The following NPAT variants were observed in gnomAD, a reference collection of about 807,000 sequenced individuals.
NPAT encodes the protein nuclear protein, coactivator of histone transcription, also known as protein NPAT.
NPAT carries 52 observed loss-of-function variants against 130.7 expected under a neutral mutation model. That is an observed-to-expected ratio of 0.40 (90% CI 0.32 to 0.50). The LOEUF is 0.50. Ranked by LOEUF, NPAT falls within the 20% of genes least tolerant of loss-of-function variation. The probability of loss-of-function intolerance (pLI) is 0.68; values close to 1 mark genes in which losing one functional copy is unlikely to be tolerated. For missense variants in NPAT, 1,687 were observed against 1,662.6 expected (o/e 1.01, Z -0.26); for synonymous variants, 580 against 584.8 (o/e 0.99, Z 0.12).
chr11:108,220,864 A>G (rs2078480508), intron 1 of NPAT, among the ~76,000 whole-genome samples: 3 of 152,218 alleles, frequency 2.0e-5, no homozygotes, highest in Admixed American at 2.0e-4. Flanking sequence ...TGCGAGGACA[A>G]CTGTCTGGGA....
chr11:108,213,781 T>C (rs1478790208), intron 1 of NPAT, among the ~76,000 whole-genome samples: 2 of 152,214 alleles, frequency 1.3e-5, no homozygotes, highest in African/African-American at 2.4e-5. Flanking sequence ...ATCCAGACGA[T>C]GTACGGGCAT....
In NPAT at chr11:108,173,848, C is replaced by T; in HGVS notation, c.1136G>A (p.Gly379Asp). ...ACAAAAAGCGGGCTGACCAGACTGA[C>T]CATCTGCAAAGTATCAGGCAGGTAG... ...KGSFETEESD[G>D]QSGQPAFCTS... Residue 379 changes from glycine (G) to aspartate (D), a missense_variant, in exon 13 of 18, where the codon GGT (glycine) becomes GAT (aspartate). This residue lies in a region of NPAT where 1,379 missense variants were observed against 1,346.6 expected (regional missense o/e 1.02). Coordinates refer to ENST00000278612, the MANE Select transcript of NPAT (RefSeq NM_002519.3). The T allele has an allele frequency of 1.2e-6, 2 of 1,613,816 alleles. No individual in the cohort carries two copies. The highest frequency in any genetic ancestry group is 1.1e-5 in the South Asian group (1 of 91,070).
intron 15 of NPAT, among the ~76,000 whole-genome samples, chr11:108,165,326 G>A (rs2077890917): frequency 6.6e-6 from 1 of 151,556 alleles, no homozygotes; most frequent in African/African-American, 2.4e-5. Context: ...TGCCCAGGCT[G>A]GTCTCAAACT....
At chr11:108,169,631 T>A (rs564556327) in intron 15 of NPAT, 113 bp downstream of exon 15, 1 of 792,746 alleles carries the variant, frequency 1.3e-6, no homozygotes, top group African/African-American at 1.7e-5. Context: ...AAATGTAGGG[T>A]GATCACTTGT....
At chr11:108,180,009 A>G (rs899461752) in intron 10 of NPAT, among the ~76,000 whole-genome samples, 1 of 152,100 alleles carries the variant, frequency 6.6e-6, no homozygotes, top group Admixed American at 6.6e-5. Flanking sequence ...ATTCTATCTG[A>G]TAAGGGGTTA....
chr11:108,213,320 C>T (rs190790457), intron 1 of NPAT, among the ~76,000 whole-genome samples: 3 of 152,210 alleles, frequency 2.0e-5, no homozygotes, highest in Non-Finnish European at 2.9e-5. Flanking sequence ...TAATAAATGA[C>T]TTCGACAAGG....
intron 12 of NPAT, among the ~76,000 whole-genome samples, chr11:108,175,945 C>A (rs1278353870): frequency 6.6e-6 from 1 of 152,128 alleles, no homozygotes; most frequent in African/African-American, 2.4e-5. Flanking sequence ...TCGTTTGAGG[C>A]TGCATGCAGT....
At chr11:108,168,878 G>A (rs566973209) in intron 15 of NPAT, among the ~76,000 whole-genome samples, 3 of 152,280 alleles carry the variant, frequency 2.0e-5, no homozygotes, top group African/African-American at 4.8e-5. Flanking sequence ...TAAGAGATGA[G>A]ATGGAGAGGT....
chr11:108,161,659 C>G lies in NPAT; in HGVS notation c.3427G>C (p.Glu1143Gln), dbSNP rs2077851485. ...GAAACTTTCTTTTCTGATTGAGTTT[C>G]TCTTATGGTGGTATGCCGGCTAATG... ...SAISRHTTIR[E>Q]TQSEKKVSPT... is the part of the protein sequence containing the mutation. The change falls in exon 17 of 18, where the codon GAA becomes CAA. Residue 1143 changes from glutamate to glutamine, a missense_variant. Transcript: ENST00000278612. The G allele has an allele frequency of 1.2e-6, 2 of 1,613,986 alleles. No homozygotes were observed. The highest frequency in any genetic ancestry group is 1.7e-6 in the Non-Finnish European group (2 of 1,180,020).
rs763893971 is a variant in NPAT, at chr11:108,158,963, T to C, written c.4263A>G (p.Leu1421=). The C allele has an allele frequency of 1.2e-6, 2 of 1,605,600 alleles. No homozygotes were observed. Among genetic ancestry groups the C allele is most frequent in the Middle Eastern group, 1.7e-4 (1 of 6,046 alleles). The change falls in exon 18 of 18, where the codon TTA becomes TTG. Residue 1421 remains leucine (L), a synonymous_variant. Transcript: ENST00000278612. ...PAGMDVDKFL[L]SLHYDE is the part of the protein sequence containing the mutation. ...ATGTTTACTCATCATAATGCAATGA[T>C]AACAAAAATTTGTCTACATCCATTC...
At position 108,173,826 on chromosome 11, in the gene NPAT, A is replaced by G. The variant is rs760587072; in HGVS notation, c.1158T>C (p.Phe386=). 3 of 1,614,184 alleles carry G rather than the reference A, an allele frequency of 1.9e-6. No homozygotes were observed. Among genetic ancestry groups the G allele is most frequent in the South Asian group, 1.1e-5 (1 of 91,088 alleles). Residue 386 remains phenylalanine, a synonymous_variant, in exon 13 of 18, where the codon TTT becomes TTC. Transcript: ENST00000278612. ...ESDGQSGQPA[F]CTSYQNDDPL... ...GGTCATCATTCTGATAGGATGTACA[A>G]AAAGCGGGCTGACCAGACTGACCAT... is the stretch of plus-strand genomic sequence containing the variant.
intron 1 of NPAT, among the ~76,000 whole-genome samples, chr11:108,209,551 CA>C (rs1302173908): frequency 6.6e-6 from 1 of 152,046 alleles, no homozygotes; most frequent in Non-Finnish European, 1.5e-5. Flanking sequence ...GATCTTGTCT[CA>C]AAACAAACAA....
chr11:108,205,059 A>T (rs2078312664), intron 1 of NPAT, among the ~76,000 whole-genome samples: 1 of 152,326 alleles, frequency 6.6e-6, no homozygotes, highest in South Asian at 2.1e-4. Context: ...GACAGACCAT[A>T]ATCAAACTGA....
At chr11:108,192,887 G>C (rs765535666) in intron 3 of NPAT, among the ~76,000 whole-genome samples, 9 of 152,128 alleles carry the variant, frequency 5.9e-5, no homozygotes, top group Non-Finnish European at 1.2e-4. Flanking sequence ...CCGGGAGACG[G>C]AGGTTGCGGT....
chr11:108,185,701 T>C (rs1240744290), intron 8 of NPAT, among the ~76,000 whole-genome samples: 2 of 152,196 alleles, frequency 1.3e-5, no homozygotes, highest in African/African-American at 2.4e-5. Context: ...TCACCAACTC[T>C]TTCTTATACA....
chr11:108,194,130 T>C, intron 2 of NPAT, 113 bp from the exon 3 acceptor site: 4 of 664,684 alleles, frequency 6.0e-6, no homozygotes, highest in Non-Finnish European at 8.1e-6. Flanking sequence ...AGAGTAGCGA[T>C]GAGGAAAGGG....
chr11:108,206,168 G>C (rs1451456452), intron 1 of NPAT, among the ~76,000 whole-genome samples: 10 of 152,220 alleles, frequency 6.6e-5, no homozygotes, highest in African/African-American at 2.4e-4. Flanking sequence ...AATGTATGAA[G>C]GTGTAATTTA....
intron 10 of NPAT, among the ~76,000 whole-genome samples, chr11:108,182,321 C>T (rs1232803898): frequency 6.6e-6 from 1 of 152,136 alleles, no homozygotes; most frequent in African/African-American, 2.4e-5. Context: ...AGAGCTCTCT[C>T]CCTGCACACC....
rs1232832130 is a variant in NPAT at position 108,222,458 on chromosome 11, A to G, written c.37+42T>C. The G allele has an allele frequency of 3.1e-6, 5 of 1,610,558 alleles. No individual in the cohort carries two copies. In the South Asian group the frequency reaches 3.3e-5, roughly 11 times the overall value. On this transcript the variant is annotated intron_variant, in intron 1 of 17. Coordinates refer to ENST00000278612, the MANE Select transcript of NPAT (RefSeq NM_002519.3). ...GGCCTCAAAGGTCCTTCTGTCCAGC[A>G]TAGCCGGGTCCAATAACCCTCCATC... is the stretch of plus-strand genomic sequence containing the variant.
Sources: gnomAD v4.1 joint callset for allele counts (sites outside exome capture counted in the v4.1 genomes callset) on GRCh38, gnomAD v4.1.1 for gene constraint, gnomAD v4.1.1 regional missense constraint, MANE v1.5 for transcripts, NCBI Gene and HGNC (gene_info 2026-07-23, HGNC 2026-07-21) for gene names.